The following CAPN13 variants were observed in gnomAD, a reference collection of about 807,000 sequenced individuals.
CAPN13 encodes the protein calpain-13.
In CAPN13, 90 loss-of-function variants were observed where a neutral mutation model predicts 98.4. That is an observed-to-expected ratio of 0.92 (90% confidence interval 0.77 to 1.09). The LOEUF is 1.09. Ranked by LOEUF, CAPN13 falls within the 50% of genes least tolerant of loss-of-function variation. The pLI is 0.00. For missense variants in CAPN13, 887 were observed against 841.3 expected, an observed-to-expected ratio of 1.05 and a Z score of -0.67; for synonymous variants, 330 against 305.5, an observed-to-expected ratio of 1.08 and a Z score of -0.84.
chr2:30,787,318 T>A lies in CAPN13; in HGVS notation c.8A>T (p.Tyr3Phe). The A allele has an allele frequency of 6.2e-7, 1 of 1,612,298 alleles. No individual in the cohort carries two copies. The highest frequency in any genetic ancestry group is 1.1e-5 in the South Asian group (1 of 90,356). The change falls in exon 2 of 23, where the codon TAT becomes TTT. Residue 3 changes from tyrosine to phenylalanine, a missense_variant. Coordinates refer to ENST00000295055, the MANE Select transcript of CAPN13 (RefSeq NM_144575.3). Reference sequence around the variant, plus strand: ...GGTCTCCACTGAAGGCTCCTGGTAATACGCCATGACTCTCCTTAGAAGACT... The same window carrying A: ...GGTCTCCACTGAAGGCTCCTGGTAAAACGCCATGACTCTCCTTAGAAGACT... MA[Y>F]YQEPSVETSI...
chr2:30,784,261 C>A (rs1674143499), intron 2 of CAPN13, among the ~76,000 whole-genome samples: 1 of 152,126 alleles, frequency 6.6e-6, no homozygotes, highest in South Asian at 2.1e-4. Flanking sequence ...GCCCCTGACC[C>A]ACATTTTTCC....
chr2:30,769,795 C>T (rs961560686), intron 5 of CAPN13, among the ~76,000 whole-genome samples: 24 of 152,294 alleles, frequency 1.6e-4, no homozygotes, highest in African/African-American at 4.3e-4. Flanking sequence ...AATGCCACCT[C>T]GTAGCAGCCA....
Position 30,791,369 on chromosome 2 carries a change from A to G in CAPN13, c.-32-4012T>C, listed in dbSNP as rs528179036. On this transcript the variant is annotated intron_variant, in intron 1 of 22. Coordinates refer to ENST00000295055, the MANE Select transcript of CAPN13 (RefSeq NM_144575.3). ...GCCAGCACCTAGCGCTAGGCCTGGC[A>G]CATAGTAGGTATTCAATAAAATCTC... Among the ~76,000 whole-genome samples, 158 of 152,366 alleles carry G rather than the reference A, an allele frequency of 1.0e-3. 2 individuals carry two copies. The South Asian group carries it at 0.032, about 31-fold the overall frequency.
chr2:30,760,401 C>G (rs755538531), intron 7 of CAPN13, among the ~76,000 whole-genome samples: 6 of 152,130 alleles, frequency 3.9e-5, no homozygotes, highest in African/African-American at 7.2e-5. Context: ...AATGAGCCAC[C>G]GTCAGTGCCT....
At chr2:30,798,026 G>A (rs1437668112) in intron 1 of CAPN13, among the ~76,000 whole-genome samples, 1 of 152,224 alleles carries the variant, frequency 6.6e-6, no homozygotes, top group African/African-American at 2.4e-5. Context: ...AGTTCAGACG[G>A]TGGAAGGAGT....
At chr2:30,741,309 G>T in intron 15 of CAPN13, 2 of 901,430 alleles carry the variant, frequency 2.2e-6, no homozygotes, top group Non-Finnish European at 2.7e-6. Context: ...CCTCTTCCTG[G>T]TTCAAGGCGG....
Position 30,742,226 on chromosome 2 carries a change from T to G in CAPN13, c.1479+100A>C, listed in dbSNP as rs1401624055. 7 of 1,369,696 alleles carry G rather than the reference T, an allele frequency of 5.1e-6. No individual in the cohort carries two copies. In the East Asian group the frequency reaches 1.0e-4, roughly 20 times the overall value. The allele number at this position is 1,369,696 out of a possible 1,614,324, so 84.8% of individuals were successfully genotyped here. A position where few individuals can be genotyped will look rare whatever the true frequency, so the allele number is the denominator to read the frequency against. ...GCCTATCATGGTGTCTCTCTTTTCA[T>G]TGGTTGGGGGCAGCGGGAGGTGTAA... is the stretch of plus-strand genomic sequence containing the variant. On this transcript the variant is annotated intron_variant, in intron 14 of 22. Coordinates refer to ENST00000295055, the MANE Select transcript of CAPN13 (RefSeq NM_144575.3).
chr2:30,787,536 C>G (rs575740945), intron 1 of CAPN13, among the ~76,000 whole-genome samples, 179 bp from the exon 2 acceptor site: 1 of 152,320 alleles, frequency 6.6e-6, no homozygotes, highest in African/African-American at 2.4e-5. Flanking sequence ...TCCTCACTCC[C>G]AGTTAACATT....
At chr2:30,799,793 G>A (rs1317363020) in intron 1 of CAPN13, among the ~76,000 whole-genome samples, 1 of 152,174 alleles carries the variant, frequency 6.6e-6, no homozygotes, top group East Asian at 1.9e-4. Context: ...GCTACACAGG[G>A]CCAGGCGCAG....
At position 30,751,201 on chromosome 2, in the gene CAPN13, C is replaced by T. The variant is rs866317100; in HGVS notation, c.1138G>A (p.Glu380Lys). Residue 380 changes from glutamate (E) to lysine (K), a missense_variant, in exon 11 of 23, where the codon GAA (glutamate) becomes AAA (lysine). Glu to Lys is a moderately conservative substitution (Grantham distance 56, BLOSUM62 1). Coordinates refer to ENST00000295055, the MANE Select transcript of CAPN13 (RefSeq NM_144575.3). Reference sequence around the variant, plus strand: ...ACGCACACGACAACATTGGTGCCTTCCATTGGCTCTTGCACAGAGAAGTTG... The same window carrying T: ...ACGCACACGACAACATTGGTGCCTTTCATTGGCTCTTGCACAGAGAAGTTG... Reference protein sequence around the residue: ...QFNFSVQEPMEGTNVVVCVTV... With the variant: ...QFNFSVQEPMKGTNVVVCVTV... 6.2e-7 allele frequency: 1 copy of T among 1,613,966 alleles called. No individual in the cohort carries two copies. The highest frequency in any genetic ancestry group is 8.5e-7 in the Non-Finnish European group (1 of 1,179,882).
chr2:30,740,498 A>G (rs1715819), intron 15 of CAPN13, among the ~76,000 whole-genome samples: 47,745 of 152,166 alleles, frequency 0.31, 8,037 homozygotes, highest in Admixed American at 0.4. Context: ...TTTGGAGGAC[A>G]CAGACCCTGA....
In CAPN13 at chr2:30,731,414, G is replaced by A. The variant is rs1348414403; in HGVS notation, c.1928-15C>T. The A allele has an allele frequency of 6.2e-7, 1 of 1,604,946 alleles. No individual in the cohort carries two copies. Among genetic ancestry groups the A allele is most frequent in the Middle Eastern group, 1.7e-4 (1 of 6,020 alleles). ...GCGGAAGGTCTCTAGGATAAAGAAGGGAAGGTTTTGACTGACTGAGGAGGA... is the reference window on the plus strand; with the variant it reads ...GCGGAAGGTCTCTAGGATAAAGAAGAGAAGGTTTTGACTGACTGAGGAGGA... On this transcript the variant is annotated splice_polypyrimidine_tract_variant and intron_variant, in intron 20 of 22. Coordinates refer to ENST00000295055, the MANE Select transcript of CAPN13 (RefSeq NM_144575.3).
intron 4 of CAPN13, among the ~76,000 whole-genome samples, chr2:30,773,133 T>C (rs1032626707): frequency 2.0e-5 from 3 of 152,170 alleles, no homozygotes; most frequent in Non-Finnish European, 4.4e-5. Flanking sequence ...CAGCACTTCT[T>C]ATAGACTCTC....
chr2:30,727,812 C>G lies in CAPN13; in HGVS notation c.*30+2918G>C, dbSNP rs182365172. ...AGCAGTTCCACTCATAACTATACAC[C>G]CAATTGAAATAAAAACATATGTCCC... is the stretch of plus-strand genomic sequence containing the variant. On this transcript the variant is annotated intron_variant, in intron 22 of 22. Coordinates refer to ENST00000295055, the MANE Select transcript of CAPN13 (RefSeq NM_144575.3). Among the ~76,000 whole-genome samples, 993 of 152,070 alleles carry G rather than the reference C, an allele frequency of 6.5e-3. 6 individuals carry two copies. Among genetic ancestry groups the G allele is most frequent in the Admixed American group, 0.014 (211 of 15,266 alleles).
At chr2:30,764,752 C>T (rs1005194387) in intron 5 of CAPN13, among the ~76,000 whole-genome samples, 2 of 152,148 alleles carry the variant, frequency 1.3e-5, no homozygotes, top group African/African-American at 4.8e-5. Context: ...TTCAGTTTAA[C>T]AGCAGTGTGA....
At chr2:30,770,621 C>G (rs1673353968) in intron 4 of CAPN13, among the ~76,000 whole-genome samples, 172 bp from the exon 5 acceptor site, 1 of 152,216 alleles carries the variant, frequency 6.6e-6, no homozygotes, top group Non-Finnish European at 1.5e-5. Flanking sequence ...GTCATCTCAA[C>G]CGGCAGATGG....
Position 30,771,525 on chromosome 2 carries a change from G to A in CAPN13, c.388-1076C>T, listed in dbSNP as rs543135633. Among the ~76,000 whole-genome samples, 10 of 152,368 alleles carry A rather than the reference G, an allele frequency of 6.6e-5. No homozygotes were observed. The East Asian group carries it at 1.9e-3, about 29-fold the overall frequency. On this transcript the variant is annotated intron_variant, in intron 4 of 22. Coordinates refer to ENST00000295055, the MANE Select transcript of CAPN13 (RefSeq NM_144575.3). ...GCACTGTGGCAGGTTCTGCACAGCT[G>A]TGGACTTGTGTTCCTATTGCAGTGA...
intron 2 of CAPN13, among the ~76,000 whole-genome samples, chr2:30,779,077 C>G (rs2148056186): frequency 6.6e-6 from 1 of 152,340 alleles, no homozygotes; most frequent in East Asian, 1.9e-4. Context: ...AAAGATCCTC[C>G]ACTCGTGAGA....
chr2:30,750,237 T>C (rs1672106019), intron 11 of CAPN13, among the ~76,000 whole-genome samples: 1 of 152,002 alleles, frequency 6.6e-6, no homozygotes, highest in Non-Finnish European at 1.5e-5. Context: ...TCCTCACTTA[T>C]AAGTGGGAGC....
Sources: allele counts gnomAD v4.1 joint callset (sites outside exome capture counted in the v4.1 genomes callset), GRCh38; gene constraint gnomAD v4.1.1; transcripts MANE v1.5; gene names NCBI Gene and HGNC (gene_info 2026-07-23, HGNC 2026-07-21).